METTL2B: variants seen among roughly 807,000 people sequenced by gnomAD.
The protein encoded by METTL2B is methyltransferase 2B, tRNA N3-cytidine.
In METTL2B, 28 loss-of-function variants were observed where a neutral mutation model predicts 51.0. The ratio of observed to expected loss-of-function variants is 0.55; its 90% CI spans 0.41 to 0.75. The LOEUF is 0.75. METTL2B is among the 30% of genes least tolerant of loss of function. The probability of loss-of-function intolerance (pLI) is 0.00; values close to 1 mark genes in which losing one functional copy is unlikely to be tolerated. For synonymous variants in METTL2B, 128 were observed against 166.3 expected (o/e 0.77, Z 1.77); for missense variants, 313 against 460.7 (o/e 0.68, Z 2.93).
intron 7 of METTL2B, among the ~76,000 whole-genome samples, chr7:128,498,629 A>G (rs954437589): frequency 1.3e-5 from 2 of 152,140 alleles, no homozygotes; most frequent in African/African-American, 4.8e-5. Context: ...AGAAAACTGA[A>G]GAGGCTTGTA....
intron 7 of METTL2B, among the ~76,000 whole-genome samples, chr7:128,498,532 A>G (rs1011894971): frequency 3.3e-5 from 5 of 152,224 alleles, no homozygotes; most frequent in African/African-American, 1.2e-4. Context: ...ATAATCAAAA[A>G]ATGGTGCTGC....
At chr7:128,499,898 C>T (rs1225902745) in intron 7 of METTL2B, among the ~76,000 whole-genome samples, 2 of 152,134 alleles carry the variant, frequency 1.3e-5, no homozygotes, top group Non-Finnish European at 2.9e-5. Flanking sequence ...GCACATAATA[C>T]ATGCAGGAGC....
In METTL2B at chr7:128,479,389, C is replaced by G; in HGVS notation, c.434C>G (p.Ser145Trp). Residue 145 changes from serine (S) to tryptophan (W), a missense_variant, in exon 3 of 9, where the codon TCG (serine) becomes TGG (tryptophan). Ser to Trp is a radical substitution (Grantham distance 177). This residue lies in a region of METTL2B where 42 missense variants were observed against 113.4 expected (regional missense o/e 0.37). Coordinates refer to ENST00000262432, the MANE Select transcript of METTL2B (RefSeq NM_018396.3). ...ATGGAAGAACAGCACAAGTGTTCTTCGAAGAGCCTTGAACATAAAACACAG... is the reference window on the plus strand; with the variant it reads ...ATGGAAGAACAGCACAAGTGTTCTTGGAAGAGCCTTGAACATAAAACACAG... ...LIMEEQHKCS[S>W]KSLEHKTQTP... The G allele has an allele frequency of 6.2e-7, 1 of 1,614,242 alleles. No homozygotes were observed. The highest frequency in any genetic ancestry group is 1.1e-5 in the South Asian group (1 of 91,086).
chr7:128,480,387 C>A (rs1244503359), intron 3 of METTL2B, among the ~76,000 whole-genome samples: 2 of 152,160 alleles, frequency 1.3e-5, no homozygotes, highest in South Asian at 2.1e-4. Flanking sequence ...TGCTAGAACT[C>A]AAAAGATAAA....
At chr7:128,478,484 C>T (rs1339560536) in intron 2 of METTL2B, among the ~76,000 whole-genome samples, 2 of 149,104 alleles carry the variant, frequency 1.3e-5, no homozygotes, top group Non-Finnish European at 3.0e-5. Context: ...CTCCTGACCT[C>T]GTGATCCGCC....
chr7:128,488,598 C>T, intron 5 of METTL2B: 1 of 418,496 alleles, frequency 2.4e-6, no homozygotes, highest in Non-Finnish European at 5.0e-6. Context: ...TGTGACTGCC[C>T]CACCAACCTG....
intron 2 of METTL2B, among the ~76,000 whole-genome samples, chr7:128,478,251 AC>A (rs1284452667): frequency 4.9e-5 from 7 of 143,232 alleles, no homozygotes; most frequent in Admixed American, 2.1e-4. Context: ...AACTGTCCAT[AC>A]TTTTTTTTTT....
chr7:128,499,971 G>A (rs987344010), intron 7 of METTL2B, among the ~76,000 whole-genome samples: 5 of 152,160 alleles, frequency 3.3e-5, no homozygotes, highest in Non-Finnish European at 5.9e-5. Flanking sequence ...CACCTGAGGT[G>A]GACCCCATAC....
intron 6 of METTL2B, among the ~76,000 whole-genome samples, chr7:128,495,608 C>A (rs1400044033): frequency 6.6e-6 from 1 of 151,970 alleles, no homozygotes; most frequent in Non-Finnish European, 1.5e-5. Flanking sequence ...CACCACCACA[C>A]CTGGCTAATA....
intron 4 of METTL2B, among the ~76,000 whole-genome samples, chr7:128,482,753 C>T (rs1584789850): frequency 6.6e-6 from 1 of 152,236 alleles, no homozygotes; most frequent in Admixed American, 6.5e-5. Context: ...AGGCTGGTCT[C>T]GAACTCCTGA....
At chr7:128,494,230 A>C (rs1792885410) in intron 6 of METTL2B, among the ~76,000 whole-genome samples, 1 of 152,012 alleles carries the variant, frequency 6.6e-6, no homozygotes, top group African/African-American at 2.4e-5. Context: ...GGGCTCAAGC[A>C]ATCCTCCCAC....
intron 5 of METTL2B, among the ~76,000 whole-genome samples, chr7:128,489,629 C>CTTT (rs71160655): frequency 0.071 from 7,853 of 110,984 alleles, 631 homozygotes; most frequent in East Asian, 0.21. Flanking sequence ...CTGGCAATTT[C>CTTT]TTTTTTTTTT....
chr7:128,477,121 G>A lies in METTL2B; in HGVS notation c.150G>A (p.Ala50=), dbSNP rs1207827724. 6.2e-7 allele frequency: 1 copy of A among 1,613,944 alleles called. No homozygotes were observed. The highest frequency in any genetic ancestry group is 8.5e-7 in the Non-Finnish European group (1 of 1,179,980). Residue 50 remains alanine (A), a synonymous_variant, in exon 2 of 9, where the codon GCG becomes GCA. Transcript: ENST00000262432. ...GGTCGGAAGAGCAAGCCGCGGCGGCGGAGAGAAAAGTCCAGGAGAACAGTA... is the reference window on the plus strand; with the variant it reads ...GGTCGGAAGAGCAAGCCGCGGCGGCAGAGAGAAAAGTCCAGGAGAACAGTA... The part of the protein sequence containing the change: ...VEWSEEQAAA[A]ERKVQENSIQ...
At chr7:128,483,746 C>T (rs148781890) in intron 4 of METTL2B, among the ~76,000 whole-genome samples, 1,590 of 151,162 alleles carry the variant, frequency 0.011, 33 homozygotes, top group African/African-American at 0.037. Context: ...TTGATTGAGA[C>T]GGAGTTTTGC....
In METTL2B at chr7:128,502,696, C is replaced by T. The variant is rs777698142; in HGVS notation, c.*780C>T. 6.5e-5 allele frequency: 27 copies of T among 418,524 alleles called. No individual in the cohort carries two copies. Among genetic ancestry groups the T allele is most frequent in the Middle Eastern group, 7.8e-4 (1 of 1,280 alleles). 25.9% of individuals were successfully genotyped at this position (418,524 alleles called of 1,614,324 possible). A position where few individuals can be genotyped will look rare whatever the true frequency, so the allele number is the denominator to read the frequency against. On this transcript the variant is annotated 3_prime_UTR_variant, in exon 9 of 9. Coordinates refer to ENST00000262432, the MANE Select transcript of METTL2B (RefSeq NM_018396.3). The stretch of plus-strand genomic sequence containing the variant: ...GGCAGATCACCTGAGGTCAGGAGTT[C>T]GAGACCAGCGTGGCCAACATGGTGA...
intron 7 of METTL2B, among the ~76,000 whole-genome samples, chr7:128,500,546 T>C (rs1028695027): frequency 1.3e-5 from 2 of 151,958 alleles, no homozygotes; most frequent in African/African-American, 4.8e-5. Context: ...CACTTGAACC[T>C]GGGAGTCAGA....
At chr7:128,492,029 G>A (rs962265891) in intron 5 of METTL2B, among the ~76,000 whole-genome samples, 3 of 151,990 alleles carry the variant, frequency 2.0e-5, no homozygotes, top group African/African-American at 7.3e-5. Flanking sequence ...TTTGAGACAG[G>A]GTCTCAGTCA....
In METTL2B at chr7:128,482,120, C is replaced by T. The variant is rs546336564; in HGVS notation, c.608+1424C>T. On this transcript the variant is annotated intron_variant, in intron 4 of 8. Coordinates refer to ENST00000262432, the MANE Select transcript of METTL2B (RefSeq NM_018396.3). Reference sequence around the variant, plus strand: ...GTGTTGGCCCCACCCCAGGTCATCTCATTAACATAAATTCAGTGTGGTCCT... The same window carrying T: ...GTGTTGGCCCCACCCCAGGTCATCTTATTAACATAAATTCAGTGTGGTCCT... Among the ~76,000 whole-genome samples the T allele has an allele frequency of 1.0e-3, 155 of 152,310 alleles. 1 individual carries two copies. Among genetic ancestry groups the T allele is most frequent in the African/African-American group, 3.7e-3 (154 of 41,580 alleles).
At chr7:128,483,838 C>T (rs1374337822) in intron 4 of METTL2B, 2 of 152,536 alleles carry the variant, frequency 1.3e-5, no homozygotes, top group African/African-American at 4.8e-5. Flanking sequence ...GATTCTCCTG[C>T]CTCAGCCTCC....
Sources: allele counts gnomAD v4.1 joint callset (sites outside exome capture counted in the v4.1 genomes callset), GRCh38; gene constraint gnomAD v4.1.1; regional missense constraint gnomAD v4.1.1; transcripts MANE v1.5; gene names NCBI Gene and HGNC (gene_info 2026-07-23, HGNC 2026-07-21).